Variants in MDK observed in about 807,000 individuals in gnomAD.
MDK encodes the protein midkine.
A neutral mutation model predicts 18.9 loss-of-function variants in MDK; 17 were observed. That is an observed-to-expected ratio of 0.90 (90% CI 0.62 to 1.35). The LOEUF is 1.35. MDK is among the 40% of genes most tolerant of loss of function. The pLI, the probability that MDK is intolerant of heterozygous loss-of-function variation, is 0.00. For missense variants in MDK, 180 were observed against 186.3 expected (o/e 0.97, Z 0.20); for synonymous variants, 86 against 74.3 (o/e 1.16, Z -0.81).
At chr11:46,382,793 C>CA in intron 4 of MDK, 45 bp downstream of exon 4, 1 of 588,694 alleles carries the variant, frequency 1.7e-6, no homozygotes, top group Non-Finnish European at 2.4e-6. Flanking sequence ...GGGGGCTGCC[C>CA]CCCCCCCCCC....
At chr11:46,383,317 C>G (rs1590678422) in intron 4 of MDK, 152 bp from the exon 5 acceptor site, 3 of 602,356 alleles carry the variant, frequency 5.0e-6, no homozygotes. Context: ...ACAATGGCTG[C>G]CCCATCCCCT....
At chr11:46,382,790 G>GGGGCGC in intron 4 of MDK, 42 bp downstream of exon 4, 1 of 985,980 alleles carries the variant, frequency 1.0e-6, no homozygotes, top group Non-Finnish European at 1.3e-6. Context: ...GCGGGGGGCT[G>GGGGCGC]CCCCCCCCCC....
chr11:46,382,899 A>G (rs1177357292), intron 4 of MDK, 151 bp downstream of exon 4: 21 of 909,020 alleles, frequency 2.3e-5, no homozygotes, highest in Non-Finnish European at 3.2e-5. Flanking sequence ...CTGCCTGGAA[A>G]AGTCTGAAGA....
In MDK at chr11:46,382,143, G is replaced by A. The variant is rs1945212571; in HGVS notation, c.76+10G>A. 2 of 1,610,872 alleles carry A rather than the reference G, an allele frequency of 1.2e-6. No homozygotes were observed. The highest frequency in any genetic ancestry group is 1.3e-5 in the African/African-American group (1 of 75,034). ...GTCGCCAAAAAGAAAGGTGATGGGG[G>A]ATGATCGAAGGAGGGCTGGGGACGG... is the stretch of plus-strand genomic sequence containing the variant. On this transcript the variant is annotated intron_variant, in intron 2 of 4. Coordinates refer to ENST00000395566, the MANE Select transcript of MDK (RefSeq NM_002391.6).
rs1184204957 is a variant in MDK at position 46,382,655 on chromosome 11, G to A, written c.313G>A (p.Gly105Ser). The A allele has an allele frequency of 6.2e-7, 1 of 1,613,154 alleles. No homozygotes were observed. The highest frequency in any genetic ancestry group is 2.2e-5 in the East Asian group (1 of 44,854). Residue 105 changes from glycine to serine, a missense_variant, in exon 4 of 5, where the codon GGC becomes AGC. Physicochemically the swap from Gly to Ser is moderately conservative, Grantham distance 56 (BLOSUM62 0). Coordinates refer to ENST00000395566, the MANE Select transcript of MDK (RefSeq NM_002391.6). The part of the protein sequence containing the change: ...DGGTGTKVRQ[G>S]TLKKARYNAQ... Reference sequence around the variant, plus strand: ...GGGCACAGGCACCAAAGTCCGCCAAGGCACCCTGAAGAAGGCGCGCTACAA... The same window carrying A: ...GGGCACAGGCACCAAAGTCCGCCAAAGCACCCTGAAGAAGGCGCGCTACAA...
chr11:46,381,927 C>T (rs1430882725), intron 1 of MDK, 130 bp from the exon 2 acceptor site: 2 of 973,180 alleles, frequency 2.1e-6, no homozygotes, highest in Admixed American at 5.0e-5. Flanking sequence ...CAAGTCTTCC[C>T]ACCGCCGCCA....
At chr11:46,382,976 C>A in intron 4 of MDK, 1 of 593,226 alleles carries the variant, frequency 1.7e-6, no homozygotes, top group Non-Finnish European at 3.0e-6. Flanking sequence ...AAATAGGGAC[C>A]AACTCAAACT....
chr11:46,381,746 G>A lies in MDK; in HGVS notation c.-14G>A, dbSNP rs908244658. 30 of 230,256 alleles carry A rather than the reference G, an allele frequency of 1.3e-4. No individual in the cohort carries two copies. Among genetic ancestry groups the A allele is most frequent in the Non-Finnish European group, 2.3e-4 (27 of 119,682 alleles). The allele number at this position is 230,256 out of a possible 1,614,324, so 14.3% of individuals were successfully genotyped here. Reference sequence around the variant, plus strand: ...GGCGCGGGAGGGAGCGAAGCAGCGCGGGCAGCGAGCGAGTGAGCGCGCGGC... The same window carrying A: ...GGCGCGGGAGGGAGCGAAGCAGCGCAGGCAGCGAGCGAGTGAGCGCGCGGC... On this transcript the variant is annotated 5_prime_UTR_variant, in exon 1 of 5. Coordinates refer to ENST00000395566, the MANE Select transcript of MDK (RefSeq NM_002391.6).
At chr11:46,383,813 CTTT>C, downstream of MDK, 4 of 431,748 alleles carry the variant, frequency 9.3e-6, no homozygotes, top group South Asian at 8.3e-5. Context: ...AAAAGCTCTT[CTTT>C]TTTAATATAT....
At chr11:46,383,810 CT>C, downstream of MDK, 1 of 437,548 alleles carries the variant, frequency 2.3e-6, no homozygotes, top group South Asian at 2.1e-5. Context: ...AATAAAAGCT[CT>C]TCTTTTTTAA....
rs749417688 is a variant in MDK at position 46,383,708 on chromosome 11, C to G, written c.*214C>G. ...GGGATTCTGGGAAGCTTGAGCCTCC[C>G]CCAAAGCAATGTGAGTCCCAGAGCC... On this transcript the variant is annotated 3_prime_UTR_variant, in exon 5 of 5. Coordinates refer to ENST00000395566, the MANE Select transcript of MDK (RefSeq NM_002391.6). 4.4e-6 allele frequency: 3 copies of G among 678,454 alleles called. No homozygotes were observed. The Admixed American group carries it at 6.1e-5, about 14-fold the overall frequency. The allele number at this position is 678,454 out of a possible 1,614,324, so 42.0% of individuals were successfully genotyped here.
At chr11:46,383,070 A>G in intron 4 of MDK, 2 of 467,362 alleles carry the variant, frequency 4.3e-6, no homozygotes, top group Non-Finnish European at 7.8e-6. Context: ...CACGGGCAGC[A>G]TTTGGTCAGC....
In MDK at chr11:46,382,585, A is replaced by G; in HGVS notation, c.245-2A>G. The G allele has an allele frequency of 6.2e-7, 1 of 1,607,958 alleles. No homozygotes were observed. Among genetic ancestry groups the G allele is most frequent in the Non-Finnish European group, 8.5e-7 (1 of 1,177,192 alleles). On this transcript the variant is annotated splice_acceptor_variant, in intron 3 of 4. Coordinates refer to ENST00000395566, the MANE Select transcript of MDK (RefSeq NM_002391.6). LOFTEE classifies it high-confidence loss of function. ...CGCTGACCTGGGCCGCTCTCTCGCC[A>G]GCCGACTGCAAGTACAAGTTTGAGA...
Position 46,383,573 on chromosome 11 carries a change from G to A in MDK, c.*79G>A, listed in dbSNP as rs1344876044. The A allele has an allele frequency of 1.5e-6, 2 of 1,307,982 alleles. No homozygotes were observed. The highest frequency in any genetic ancestry group is 1.7e-5 in the Admixed American group (1 of 59,594). 81.0% of individuals were successfully genotyped at this position (1,307,982 alleles called of 1,614,324 possible). On this transcript the variant is annotated 3_prime_UTR_variant, in exon 5 of 5. Transcript: ENST00000395566. Reference sequence around the variant, plus strand: ...GCCCTCCCTCTCCCAGGCCCGAGATGTGACCCACCAGTGCCTTCTGTCTGC... The same window carrying A: ...GCCCTCCCTCTCCCAGGCCCGAGATATGACCCACCAGTGCCTTCTGTCTGC...
intron 1 of MDK, 127 bp from the exon 2 acceptor site, chr11:46,381,930 C>A: frequency 1.0e-6 from 1 of 1,005,020 alleles, no homozygotes; most frequent in Non-Finnish European, 1.4e-6. Flanking sequence ...GTCTTCCCAC[C>A]GCCGCCACCT....
rs780996116 is a variant in MDK, at chr11:46,382,405, C to T, written c.188C>T (p.Ala63Val). Residue 63 changes from alanine (A) to valine (V), a missense_variant, in exon 3 of 5, where the codon GCC becomes GTC. Transcript: ENST00000395566. ...GVGFREGTCG[A>V]QTQRIRCRVP... ...GGTTTCCGCGAGGGCACCTGCGGGGCCCAGACCCAGCGCATCCGGTGCAGG... is the reference window on the plus strand; with the variant it reads ...GGTTTCCGCGAGGGCACCTGCGGGGTCCAGACCCAGCGCATCCGGTGCAGG... 7.7e-6 allele frequency: 12 copies of T among 1,548,788 alleles called. No homozygotes were observed. The highest frequency in any genetic ancestry group is 1.4e-5 in the African/African-American group (1 of 72,678).
At chr11:46,382,546 C>G (rs947290562) in intron 3 of MDK, 41 bp from the exon 4 acceptor site, 2 of 1,571,540 alleles carry the variant, frequency 1.3e-6, no homozygotes, top group Non-Finnish European at 1.7e-6. Flanking sequence ...AGGGCGGGGC[C>G]GCGGGCCGCG....
intron 2 of MDK, 65 bp from the exon 3 acceptor site, chr11:46,382,229 G>C (rs763540621): frequency 2.5e-6 from 4 of 1,604,406 alleles, no homozygotes; most frequent in Non-Finnish European, 2.6e-6. Context: ...GGAACCCCAG[G>C]AAGGCGGCTC....
At chr11:46,382,790 G>GGGGGGCCCCCCC in intron 4 of MDK, 42 bp downstream of exon 4, 1 of 985,982 alleles carries the variant, frequency 1.0e-6, no homozygotes, top group Non-Finnish European at 1.3e-6. Context: ...GCGGGGGGCT[G>GGGGGGCCCCCCC]CCCCCCCCCC....
Sources: gnomAD v4.1 joint callset for allele counts on GRCh38, gnomAD v4.1.1 for gene constraint, MANE v1.5 for transcripts, NCBI Gene and HGNC (gene_info 2026-07-23, HGNC 2026-07-21) for gene names.